The following MAP4K5 variants were observed in gnomAD, a reference collection of about 807,000 sequenced individuals.
MAP4K5 encodes the protein MAPK/ERK kinase kinase kinase 5.
A neutral mutation model predicts 135.6 loss-of-function variants in MAP4K5; 82 were observed. That is an observed-to-expected ratio of 0.60 (90% CI 0.51 to 0.73). The LOEUF (loss-of-function observed/expected upper bound fraction) is 0.73. MAP4K5 is among the 30% of genes least tolerant of loss of function. The pLI is 0.00. For synonymous variants in MAP4K5, 347 were observed against 335.0 expected (o/e 1.04, Z -0.39); for missense variants, 907 against 1,010.9 (o/e 0.90, Z 1.39).
chr14:50,503,529 T>C (rs1446772859), intron 3 of MAP4K5, among the ~76,000 whole-genome samples: 1 of 152,094 alleles, frequency 6.6e-6, no homozygotes, highest in Non-Finnish European at 1.5e-5. Context: ...ATGTTAGTTC[T>C]AATATATGGC....
chr14:50,461,404 G>C (rs977706761), intron 13 of MAP4K5, among the ~76,000 whole-genome samples: 2 of 151,512 alleles, frequency 1.3e-5, no homozygotes, highest in African/African-American at 4.9e-5. Context: ...TGAAGGTAGA[G>C]ATAAAAGGGA....
chr14:50,462,474 T>TTA (rs906134283), intron 13 of MAP4K5, among the ~76,000 whole-genome samples, 191 bp downstream of exon 13: 28 of 152,198 alleles, frequency 1.8e-4, no homozygotes, highest in Admixed American at 1.8e-3. Context: ...TATCAACTGG[T>TTA]TATACCACAA....
At chr14:50,500,841 T>C (rs2037691376) in intron 3 of MAP4K5, among the ~76,000 whole-genome samples, 1 of 152,160 alleles carries the variant, frequency 6.6e-6, no homozygotes, top group Non-Finnish European at 1.5e-5. Flanking sequence ...CATTTGTGGA[T>C]GGGTTAACTG....
chr14:50,510,564 T>C lies in MAP4K5; in HGVS notation c.109-5707A>G, dbSNP rs571913568. ...GAAGGTTATTGCTCTCTTAAAAAAA[T>C]TAAAATCTTCCACAACTAGAAAATG... On this transcript the variant is annotated intron_variant, in intron 2 of 32. Coordinates refer to ENST00000682126, the MANE Select transcript of MAP4K5 (RefSeq NM_006575.6). 2.6e-5 allele frequency among the ~76,000 whole-genome samples: 4 copies of C among 152,330 alleles called. No homozygotes were observed. In the South Asian group the frequency reaches 8.3e-4, roughly 32 times the overall value.
upstream of MAP4K5, among the ~76,000 whole-genome samples, chr14:50,536,893 A>G (rs1036231505): frequency 9.9e-5 from 15 of 152,254 alleles, no homozygotes; most frequent in African/African-American, 3.6e-4. Context: ...AGGGAAGCAC[A>G]GCATAAAAGT....
intron 2 of MAP4K5, among the ~76,000 whole-genome samples, chr14:50,508,087 T>C (rs969686781): frequency 2.6e-5 from 4 of 152,190 alleles, no homozygotes; most frequent in Non-Finnish European, 4.4e-5. Flanking sequence ...AATTGATCCC[T>C]TTACCATTAT....
At chr14:50,443,406 G>GA (rs1310199570) in intron 20 of MAP4K5, among the ~76,000 whole-genome samples, 1 of 152,064 alleles carries the variant, frequency 6.6e-6, no homozygotes. Flanking sequence ...AGTCCAATGT[G>GA]AAAATCACTT....
At chr14:50,558,650 CT>C (rs1163354559) in intron 1 of MAP4K5, among the ~76,000 whole-genome samples, 9 of 151,964 alleles carry the variant, frequency 5.9e-5, no homozygotes, top group Non-Finnish European at 5.9e-5. Flanking sequence ...TAAATTTTTT[CT>C]TTTTTGTGTG....
chr14:50,503,503 A>T (rs2037748942), intron 3 of MAP4K5, among the ~76,000 whole-genome samples: 1 of 152,008 alleles, frequency 6.6e-6, no homozygotes, highest in African/African-American at 2.4e-5. Context: ...TTTCTTTTTT[A>T]CTGAATTGCC....
intron 3 of MAP4K5, among the ~76,000 whole-genome samples, chr14:50,494,283 C>G (rs1181205092): frequency 1.3e-5 from 2 of 151,926 alleles, no homozygotes; most frequent in Non-Finnish European, 2.9e-5. Context: ...ATTCTTCTGC[C>G]TCAGCCTCCC....
chr14:50,541,547 G>A (rs1467940618), intron 2 of MAP4K5, among the ~76,000 whole-genome samples: 1 of 152,076 alleles, frequency 6.6e-6, no homozygotes, highest in Admixed American at 6.5e-5. Flanking sequence ...CTGTATGACT[G>A]CCACCTTGTT....
intron 6 of MAP4K5, 103 bp from the exon 7 acceptor site, chr14:50,476,409 T>C: frequency 1.8e-6 from 1 of 544,768 alleles, no homozygotes. Flanking sequence ...AACTAGAATG[T>C]CTTTTTTGGG....
chr14:50,504,885 T>G, intron 2 of MAP4K5, 28 bp from the exon 3 acceptor site: 1 of 1,457,544 alleles, frequency 6.9e-7, no homozygotes, highest in Non-Finnish European at 9.3e-7. Context: ...ACAAAAATCT[T>G]GTTAATTAAA....
intron 3 of MAP4K5, among the ~76,000 whole-genome samples, chr14:50,486,426 CAAAG>C (rs2037365103): frequency 6.6e-6 from 1 of 151,484 alleles, no homozygotes; most frequent in African/African-American, 2.4e-5. Context: ...GAGATATGTA[CAAAG>C]ACAGATGTTT....
chr14:50,446,059 A>C lies in MAP4K5; in HGVS notation c.1185+20T>G. ...TTATTTAAATAAGGATTTAGTGTTC[A>C]AAATCATTAAGTAGCTCACCTTAGG... is the stretch of plus-strand genomic sequence containing the variant. On this transcript the variant is annotated intron_variant, in intron 17 of 32. Transcript: ENST00000682126. The C allele has an allele frequency of 6.7e-7, 1 of 1,495,002 alleles. No individual in the cohort carries two copies. The highest frequency in any genetic ancestry group is 9.0e-7 in the Non-Finnish European group (1 of 1,115,080). The allele number at this position is 1,495,002 out of a possible 1,614,324, so 92.6% of individuals were successfully genotyped here.
rs2035678876 is a variant in MAP4K5, at chr14:50,419,580, C to G, written c.*439G>C. 6.4e-6 allele frequency: 1 copy of G among 156,344 alleles called. No homozygotes were observed. The highest frequency in any genetic ancestry group is 2.4e-5 in the African/African-American group (1 of 41,464). 9.7% of individuals were successfully genotyped at this position (156,344 alleles called of 1,614,324 possible). ...AAATATTCTGTTTTACAAAAACATA[C>G]AGAATGGCCAATATAAAAGTGAAAA... On this transcript the variant is annotated 3_prime_UTR_variant, in exon 33 of 33. Transcript: ENST00000682126.
chr14:50,515,330 A>G (rs1003639590), intron 2 of MAP4K5, among the ~76,000 whole-genome samples: 23 of 152,054 alleles, frequency 1.5e-4, no homozygotes, highest in African/African-American at 4.6e-4. Context: ...TCTCTGACCT[A>G]ATTAACATTA....
intron 14 of MAP4K5, 157 bp downstream of exon 14, chr14:50,456,359 T>C (rs764240332): frequency 2.2e-4 from 134 of 605,636 alleles, no homozygotes; most frequent in Non-Finnish European, 3.8e-4. Flanking sequence ...CCAAGGGAAT[T>C]CCATCGAAAC....
chr14:50,472,549 A>G (rs1426636436), intron 9 of MAP4K5: 2 of 152,164 alleles, frequency 1.3e-5, no homozygotes, highest in Non-Finnish European at 2.9e-5. Flanking sequence ...CCCTTTTAAA[A>G]TATAAAACTC....
Sources: gnomAD v4.1 joint callset for allele counts (sites outside exome capture counted in the v4.1 genomes callset) on GRCh38, gnomAD v4.1.1 for gene constraint, MANE v1.5 for transcripts, NCBI Gene and HGNC (gene_info 2026-07-23, HGNC 2026-07-21) for gene names.